Variants in CTNNA3 observed in about 807,000 individuals in gnomAD.
CTNNA3 encodes the protein catenin alpha 3.
CTNNA3 carries 76 observed loss-of-function variants against 95.7 expected under a neutral mutation model. The ratio of observed to expected loss-of-function variants is 0.79; its 90% confidence interval spans 0.66 to 0.96. CTNNA3 has a LOEUF of 0.96. CTNNA3 is among the 40% of genes least tolerant of loss of function. The probability of loss-of-function intolerance (pLI) is 0.00; values close to 1 mark genes in which losing one functional copy is unlikely to be tolerated. For missense variants in CTNNA3, 1,191 were observed against 1,089.8 expected (o/e 1.09, Z -1.31); for synonymous variants, 431 against 374.4 (o/e 1.15, Z -1.74).
chr10:66,360,683 C>T (rs1436950917), intron 12 of CTNNA3, among the ~76,000 whole-genome samples: 13 of 49,854 alleles, frequency 2.6e-4, no homozygotes, highest in Admixed American at 7.7e-4. Context: ...TCCTTCCTTC[C>T]TTCCTTCCTT....
At chr10:67,086,487 T>C (rs1857316785) in intron 7 of CTNNA3, among the ~76,000 whole-genome samples, 1 of 152,018 alleles carries the variant, frequency 6.6e-6, no homozygotes. Flanking sequence ...CTGCTTGGGT[T>C]CAGCAAATCC....
chr10:66,892,257 G>A (rs1008365813), intron 7 of CTNNA3, among the ~76,000 whole-genome samples: 4 of 151,910 alleles, frequency 2.6e-5, no homozygotes, highest in African/African-American at 9.7e-5. Flanking sequence ...TTTTAATTAC[G>A]GACGATGTCA....
chr10:67,195,492 C>A, intron 6 of CTNNA3, among the ~76,000 whole-genome samples: 1 of 137,918 alleles, frequency 7.3e-6, no homozygotes, highest in African/African-American at 2.6e-5. Flanking sequence ...AGCTTTATAA[C>A]ATGTTTTAAT....
chr10:65,995,425 G>A (rs528921307), intron 15 of CTNNA3, among the ~76,000 whole-genome samples: 1 of 152,248 alleles, frequency 6.6e-6, no homozygotes, highest in South Asian at 2.1e-4. Context: ...AATAGCCTCA[G>A]TGGTATCTGT....
intron 3 of CTNNA3, among the ~76,000 whole-genome samples, chr10:67,563,240 T>A (rs919483173): frequency 6.6e-6 from 1 of 152,062 alleles, no homozygotes; most frequent in Non-Finnish European, 1.5e-5. Flanking sequence ...CTTCAAACTA[T>A]ACTACAAGGC....
In CTNNA3 at chr10:66,360,810, TTCCTTC is replaced by T. The variant is rs1564897223; in HGVS notation, c.1732+18336_1732+18341del. ...CTTCCTTCCTTCCTTCCTTCCTTCC[TTCCTTC>T]CTTTCTTTCTTTCTTTCTTTCTTTC... On this transcript the variant is annotated intron_variant, in intron 12 of 17. Transcript: ENST00000433211. Among the ~76,000 whole-genome samples, 40 of 79,460 alleles carry T rather than the reference TTCCTTC, an allele frequency of 5.0e-4. 7 individuals carry two copies. The highest frequency in any genetic ancestry group is 0.012 in the Middle Eastern group (2 of 170). The allele number at this position is 79,460 out of a possible 152,430, so 52.1% of individuals were successfully genotyped here.
Position 66,859,648 on chromosome 10 carries a change from C to T in CTNNA3, c.1048-84124G>A, listed in dbSNP as rs189007241. On this transcript the variant is annotated intron_variant, in intron 7 of 17. Coordinates refer to ENST00000433211, the MANE Select transcript of CTNNA3 (RefSeq NM_013266.4). ...CTAGAACTGGAAATACCATGTGACC[C>T]AGCCATCCCATTACTGGGTATATAC... Among the ~76,000 whole-genome samples the T allele has an allele frequency of 9.0e-4, 128 of 142,746 alleles. 6 individuals are homozygous for T. In the East Asian group the frequency reaches 0.018, roughly 20 times the overall value. The allele number at this position is 142,746 out of a possible 152,430, so 93.6% of individuals were successfully genotyped here.
chr10:66,385,057 C>A (rs1490946419), intron 11 of CTNNA3, among the ~76,000 whole-genome samples: 1 of 152,126 alleles, frequency 6.6e-6, no homozygotes, highest in East Asian at 1.9e-4. Context: ...CAAACACATT[C>A]AAAACCTAGC....
intron 7 of CTNNA3, among the ~76,000 whole-genome samples, chr10:66,843,684 A>C (rs1340293880): frequency 6.6e-6 from 1 of 152,200 alleles, no homozygotes; most frequent in East Asian, 1.9e-4. Flanking sequence ...TGTTTTTCAA[A>C]TGCCTAACTT....
intron 9 of CTNNA3, among the ~76,000 whole-genome samples, chr10:66,644,294 C>CTG (rs1257393063): frequency 2.9e-3 from 204 of 69,298 alleles, no homozygotes; most frequent in South Asian, 5.6e-3. Flanking sequence ...GTCTGTCTGT[C>CTG]TCTCTCTCTC....
At chr10:67,094,748 A>G (rs1381693152) in intron 7 of CTNNA3, among the ~76,000 whole-genome samples, 1 of 151,768 alleles carries the variant, frequency 6.6e-6, no homozygotes, top group Non-Finnish European at 1.5e-5. Context: ...ACATTCCAAT[A>G]AAATTGTCAG....
At chr10:67,745,015 G>C (rs1237136603) in intron 1 of CTNNA3, among the ~76,000 whole-genome samples, 4 of 152,042 alleles carry the variant, frequency 2.6e-5, no homozygotes, top group Non-Finnish European at 4.4e-5. Flanking sequence ...AACAACAGGT[G>C]CTGGAGAGGA....
chr10:66,617,011 T>C (rs537227917), intron 10 of CTNNA3, among the ~76,000 whole-genome samples: 9 of 152,126 alleles, frequency 5.9e-5, no homozygotes, highest in Non-Finnish European at 8.8e-5. Context: ...CTCACTGATT[T>C]ATACACTGAA....
intron 7 of CTNNA3, among the ~76,000 whole-genome samples, chr10:67,143,108 G>C (rs538916073): frequency 1.3e-5 from 2 of 151,592 alleles, no homozygotes; most frequent in East Asian, 4.0e-4. Flanking sequence ...AACAACAATG[G>C]AGTTTGCTGC....
At chr10:67,521,404 A>G (rs1839980782) in intron 5 of CTNNA3, among the ~76,000 whole-genome samples, 1 of 152,236 alleles carries the variant, frequency 6.6e-6, no homozygotes, top group South Asian at 2.1e-4. Flanking sequence ...ACTAAAGATC[A>G]ATTCATATTT....
chr10:66,569,092 C>G (rs1434517358), intron 10 of CTNNA3, among the ~76,000 whole-genome samples: 1 of 152,028 alleles, frequency 6.6e-6, no homozygotes, highest in Admixed American at 6.6e-5. Flanking sequence ...TCATTTTGCT[C>G]CTGGCCTCTA....
chr10:66,603,512 C>G (rs1300290025), intron 10 of CTNNA3, among the ~76,000 whole-genome samples: 2 of 151,980 alleles, frequency 1.3e-5, no homozygotes, highest in African/African-American at 4.8e-5. Flanking sequence ...GTGTCTACTA[C>G]CTAAAGTGAT....
intron 4 of CTNNA3, among the ~76,000 whole-genome samples, chr10:67,526,644 C>A (rs1476362742): frequency 6.6e-6 from 1 of 151,750 alleles, no homozygotes; most frequent in Non-Finnish European, 1.5e-5. Context: ...ATTCATTCAA[C>A]AAATATTTAT....
intron 5 of CTNNA3, among the ~76,000 whole-genome samples, chr10:67,433,481 C>CTGA (rs1846187338): frequency 1.3e-5 from 2 of 152,048 alleles, no homozygotes; most frequent in African/African-American, 4.8e-5. Context: ...GAAAATGGAG[C>CTGA]TGATACACTT....
Sources: allele counts gnomAD v4.1 joint callset (sites outside exome capture counted in the v4.1 genomes callset), GRCh38; gene constraint gnomAD v4.1.1; transcripts MANE v1.5; gene names NCBI Gene and HGNC (gene_info 2026-07-23, HGNC 2026-07-21).